Variants in ONECUT2 observed in about 807,000 individuals in gnomAD.
ONECUT2 encodes the protein one cut homeobox 2.
A neutral mutation model predicts 27.9 loss-of-function variants in ONECUT2; 10 were observed. The ratio of observed to expected loss-of-function variants is 0.36; its 90% CI spans 0.22 to 0.61. The LOEUF (loss-of-function observed/expected upper bound fraction) is 0.61. ONECUT2 is among the 20% of genes least tolerant of loss of function. ONECUT2 has a pLI of 0.73. For missense variants in ONECUT2, 686 were observed against 721.0 expected, an observed-to-expected ratio of 0.95 and a Z score of 0.56; for synonymous variants, 334 against 315.1, an observed-to-expected ratio of 1.06 and a Z score of -0.64.
At position 57,484,085 on chromosome 18, in the gene ONECUT2, T is replaced by C. The variant is rs1373020411; in HGVS notation, c.*7362T>C. On this transcript the variant is annotated 3_prime_UTR_variant, in exon 2 of 2. Transcript: ENST00000491143. ...GGCTTCTATACAGAAACTGGAAAAA[T>C]AAATTTTAAAAAAATCGTAAACAAA... 1 of 150,366 alleles carries C rather than the reference T, an allele frequency of 6.7e-6. No individual in the cohort carries two copies. The highest frequency in any genetic ancestry group is 1.5e-5 in the Non-Finnish European group (1 of 67,566). 9.3% of individuals were successfully genotyped at this position (150,366 alleles called of 1,614,324 possible).
Position 57,481,715 on chromosome 18 carries a change from A to C in ONECUT2, c.*4992A>C, listed in dbSNP as rs2050416713. ...TGAACTCGGATTTTCAGGAGTTTGAATAGTTGGATATTTTAAAATCTAAGA... is the reference window on the plus strand; with the variant it reads ...TGAACTCGGATTTTCAGGAGTTTGACTAGTTGGATATTTTAAAATCTAAGA... On this transcript the variant is annotated 3_prime_UTR_variant, in exon 2 of 2. Coordinates refer to ENST00000491143, the MANE Select transcript of ONECUT2 (RefSeq NM_004852.3). 1 of 152,178 alleles carries C rather than the reference A, an allele frequency of 6.6e-6. No individual in the cohort carries two copies. The highest frequency in any genetic ancestry group is 2.4e-5 in the African/African-American group (1 of 41,442). 9.4% of individuals were successfully genotyped at this position (152,178 alleles called of 1,614,324 possible).
chr18:57,438,007 C>T (rs757903850), intron 1 of ONECUT2, among the ~76,000 whole-genome samples: 1 of 152,240 alleles, frequency 6.6e-6, no homozygotes, highest in East Asian at 1.9e-4. Flanking sequence ...GGAGCCGGCT[C>T]GGCTCTTTGT....
intron 1 of ONECUT2, among the ~76,000 whole-genome samples, chr18:57,455,044 T>A (rs904139419): frequency 1.3e-5 from 2 of 152,212 alleles, no homozygotes; most frequent in African/African-American, 4.8e-5. Context: ...GGGGGCCTTA[T>A]CAGAAAGTTA....
At position 57,435,611 on chromosome 18, in the gene ONECUT2, C is replaced by T. The variant is rs2050133704; in HGVS notation, c.-106C>T. On this transcript the variant is annotated 5_prime_UTR_variant, in exon 1 of 2. Transcript: ENST00000491143. Reference sequence around the variant, plus strand: ...CCGCACGCGCACTCCTCTCCACTCACTCCCGCGCCCGCCCCCACTCCCGCA... The same window carrying T: ...CCGCACGCGCACTCCTCTCCACTCATTCCCGCGCCCGCCCCCACTCCCGCA... The T allele has an allele frequency of 1.4e-5, 13 of 959,952 alleles. No individual in the cohort carries two copies. Among genetic ancestry groups the T allele is most frequent in the Non-Finnish European group, 1.6e-5 (13 of 806,930 alleles). The allele number at this position is 959,952 out of a possible 1,614,324, so 59.5% of individuals were successfully genotyped here.
chr18:57,476,965 C>A lies in ONECUT2; in HGVS notation c.*242C>A. On this transcript the variant is annotated 3_prime_UTR_variant, in exon 2 of 2. Transcript: ENST00000491143. ...AAAATTAATCTCTTAGAACCAGACA[C>A]TGTTCTCTGAGCATGCTAAGCATCC... 1 of 534,802 alleles carries A rather than the reference C, an allele frequency of 1.9e-6. No homozygotes were observed. Among genetic ancestry groups the A allele is most frequent in the Non-Finnish European group, 3.3e-6 (1 of 303,036 alleles). 33.1% of individuals were successfully genotyped at this position (534,802 alleles called of 1,614,324 possible). A position where few individuals can be genotyped will look rare whatever the true frequency, so the allele number is the denominator to read the frequency against.
In ONECUT2 at chr18:57,436,100, C is replaced by A. The variant is rs1384113793; in HGVS notation, c.384C>A (p.His128Gln). 1 of 1,600,138 alleles carries A rather than the reference C, an allele frequency of 6.2e-7. No individual in the cohort carries two copies. Among genetic ancestry groups the A allele is most frequent in the Non-Finnish European group, 8.5e-7 (1 of 1,179,796 alleles). ...DYRPELSIPL[H>Q]HAMSMSCDSS... ...GGCCCGAGCTCTCCATCCCGCTGCA[C>A]CACGCCATGAGCATGTCCTGCGACT... Residue 128 changes from histidine to glutamine, a missense_variant, in exon 1 of 2, where the codon CAC becomes CAA. His to Gln is a conservative substitution (Grantham distance 24). Coordinates refer to ENST00000491143, the MANE Select transcript of ONECUT2 (RefSeq NM_004852.3). This position sits in a 1 kb window ranked among gnomAD's most constrained non-coding sequence, Gnocchi z 5.9.
chr18:57,437,037 T>C, intron 1 of ONECUT2, 93 bp downstream of exon 1: 1 of 1,469,060 alleles, frequency 6.8e-7, no homozygotes, highest in Non-Finnish European at 9.0e-7. Flanking sequence ...GTCACTTCTC[T>C]TGATTCTTTC....
chr18:57,443,608 C>T (rs965626308), intron 1 of ONECUT2, among the ~76,000 whole-genome samples: 3 of 152,128 alleles, frequency 2.0e-5, no homozygotes, highest in Non-Finnish European at 4.4e-5. Context: ...TCATTCAAGG[C>T]AATGGCTGAA....
intron 1 of ONECUT2, among the ~76,000 whole-genome samples, chr18:57,449,449 T>C (rs1474348919): frequency 6.6e-6 from 1 of 152,236 alleles, no homozygotes; most frequent in Non-Finnish European, 1.5e-5. Context: ...GAGAAGCATT[T>C]CACAATGTCA....
chr18:57,487,755 T>C lies in ONECUT2; in HGVS notation c.*11032T>C, dbSNP rs1396295476. On this transcript the variant is annotated 3_prime_UTR_variant, in exon 2 of 2. Transcript: ENST00000491143. Reference sequence around the variant, plus strand: ...GTTCCATCTACCATCTAAAAGGTAATATAAGAAGAAGTTTTGAAACCCACT... The same window carrying C: ...GTTCCATCTACCATCTAAAAGGTAACATAAGAAGAAGTTTTGAAACCCACT... 6.6e-6 allele frequency: 1 copy of C among 152,218 alleles called. No homozygotes were observed. Among genetic ancestry groups the C allele is most frequent in the Admixed American group, 6.5e-5 (1 of 15,272 alleles). 9.4% of individuals were successfully genotyped at this position (152,218 alleles called of 1,614,324 possible). A position where few individuals can be genotyped will look rare whatever the true frequency, so the allele number is the denominator to read the frequency against.
rs761874383 is a variant in ONECUT2 at position 57,435,845 on chromosome 18, C to T, written c.129C>T (p.Gly43=). The change falls in exon 1 of 2, where the codon GGC becomes GGT. Residue 43 remains glycine (G), a synonymous_variant. Coordinates refer to ENST00000491143, the MANE Select transcript of ONECUT2 (RefSeq NM_004852.3). The part of the protein sequence containing the change: ...HGPAGGGSGG[G]GGGGGGGGGG... The stretch of plus-strand genomic sequence containing the variant: ...CGGCCGGCGGCGGCAGTGGCGGGGG[C>T]GGCGGCGGGGGCGGCGGGGGCGGCG... 5.1e-6 allele frequency: 5 copies of T among 974,332 alleles called. No homozygotes were observed. The highest frequency in any genetic ancestry group is 1.2e-4 in the Admixed American group (2 of 16,810). The allele number at this position is 974,332 out of a possible 1,614,324, so 60.4% of individuals were successfully genotyped here. A position where few individuals can be genotyped will look rare whatever the true frequency, so the allele number is the denominator to read the frequency against.
At position 57,490,805 on chromosome 18, in the gene ONECUT2, A is replaced by G. The variant is rs1188615807; in HGVS notation, c.*14082A>G. 4 of 152,606 alleles carry G rather than the reference A, an allele frequency of 2.6e-5. No homozygotes were observed. The highest frequency in any genetic ancestry group is 9.6e-5 in the African/African-American group (4 of 41,456). The allele number at this position is 152,606 out of a possible 1,614,324, so 9.5% of individuals were successfully genotyped here. Reference sequence around the variant, plus strand: ...GGAAAAACTTTAAACTTTTCTTTTCAGTTGATCCCTTTGACATCACCTCTC... The same window carrying G: ...GGAAAAACTTTAAACTTTTCTTTTCGGTTGATCCCTTTGACATCACCTCTC... On this transcript the variant is annotated 3_prime_UTR_variant, in exon 2 of 2. Transcript: ENST00000491143.
At chr18:57,469,013 T>C (rs1253176593) in intron 1 of ONECUT2, among the ~76,000 whole-genome samples, 1 of 152,174 alleles carries the variant, frequency 6.6e-6, no homozygotes, top group African/African-American at 2.4e-5. Context: ...GTTATTTCCA[T>C]TCTTCTTACC....
In ONECUT2 at chr18:57,480,381, G is replaced by T. The variant is rs2050409523; in HGVS notation, c.*3658G>T. ...TGACATGTGTCCAGTGGAAATGGTT[G>T]CTCTTTTCCAGACTGGATTGAGGAA... On this transcript the variant is annotated 3_prime_UTR_variant, in exon 2 of 2. Coordinates refer to ENST00000491143, the MANE Select transcript of ONECUT2 (RefSeq NM_004852.3). 1 of 152,156 alleles carries T rather than the reference G, an allele frequency of 6.6e-6. No homozygotes were observed. Among genetic ancestry groups the T allele is most frequent in the Non-Finnish European group, 1.5e-5 (1 of 68,040 alleles). 9.4% of individuals were successfully genotyped at this position (152,156 alleles called of 1,614,324 possible). A position where few individuals can be genotyped will look rare whatever the true frequency, so the allele number is the denominator to read the frequency against.
intron 1 of ONECUT2, among the ~76,000 whole-genome samples, chr18:57,475,719 C>A (rs17758383): frequency 0.063 from 9,658 of 152,206 alleles, 802 homozygotes; most frequent in East Asian, 0.36. Flanking sequence ...GCCTGAAGTC[C>A]TATTGTAACA....
chr18:57,453,715 C>T (rs1403488354), intron 1 of ONECUT2, among the ~76,000 whole-genome samples: 1 of 152,238 alleles, frequency 6.6e-6, no homozygotes, highest in Non-Finnish European at 1.5e-5. Flanking sequence ...ACTCGCAGTC[C>T]AGCTCACAGC....
chr18:57,444,479 G>T (rs907553977), intron 1 of ONECUT2: 1 of 455,500 alleles, frequency 2.2e-6, no homozygotes, highest in Middle Eastern at 4.2e-4. Context: ...TTGGCAGCTT[G>T]CTTCCCACTC....
At chr18:57,466,873 A>G (rs960309548) in intron 1 of ONECUT2, among the ~76,000 whole-genome samples, 2 of 152,172 alleles carry the variant, frequency 1.3e-5, no homozygotes, top group African/African-American at 4.8e-5. Context: ...GAGGCTACTC[A>G]TGTTTGTTAG....
chr18:57,468,486 G>C (rs570677217), intron 1 of ONECUT2, among the ~76,000 whole-genome samples: 2 of 152,324 alleles, frequency 1.3e-5, no homozygotes, highest in Admixed American at 1.3e-4. Flanking sequence ...AACCTGCAAG[G>C]CATCTAACTG....
Sources: allele counts gnomAD v4.1 joint callset (sites outside exome capture counted in the v4.1 genomes callset), GRCh38; gene constraint gnomAD v4.1.1; non-coding constraint Gnocchi (gnomAD v3.1); transcripts MANE v1.5; gene names NCBI Gene and HGNC (gene_info 2026-07-23, HGNC 2026-07-21).